The following TNIK variants were observed in gnomAD, a reference collection of about 807,000 sequenced individuals.
TNIK encodes TRAF2 and NCK-interacting protein kinase.
A neutral mutation model predicts 191.3 loss-of-function variants in TNIK; 49 were observed. The observed-to-expected ratio is 0.26, with a 90% confidence interval of 0.20 to 0.32. The LOEUF (loss-of-function observed/expected upper bound fraction) is 0.32. TNIK is among the 10% of genes least tolerant of loss of function. The pLI is 1.00. For synonymous variants in TNIK, 594 were observed against 600.9 expected (o/e 0.99, Z 0.17); for missense variants, 1,155 against 1,702.3 (o/e 0.68, Z 5.66).
intron 21 of TNIK, 82 bp downstream of exon 21, chr3:171,107,101 C>A: frequency 6.9e-7 from 1 of 1,446,306 alleles, no homozygotes; most frequent in African/African-American, 1.4e-5. Flanking sequence ...TCCCATTGGC[C>A]ACCTTTCTGA....
At chr3:171,434,116 A>C (rs971140955) in intron 1 of TNIK, among the ~76,000 whole-genome samples, 6 of 151,382 alleles carry the variant, frequency 4.0e-5, no homozygotes, top group Admixed American at 2.0e-4. Context: ...TTGTATTTTT[A>C]GTAGAGGCAG....
chr3:171,241,980 A>G (rs942558074), intron 2 of TNIK, among the ~76,000 whole-genome samples: 2 of 151,046 alleles, frequency 1.3e-5, no homozygotes, highest in African/African-American at 4.9e-5. Flanking sequence ...ACACTTGGAC[A>G]CAGGAAGGGG....
intron 2 of TNIK, among the ~76,000 whole-genome samples, chr3:171,238,543 G>A (rs1744580770): frequency 6.6e-6 from 1 of 152,042 alleles, no homozygotes; most frequent in African/African-American, 2.4e-5. Flanking sequence ...TATGACTGCA[G>A]CTACTGACAA....
At chr3:171,344,089 C>A (rs1349673503) in intron 2 of TNIK, among the ~76,000 whole-genome samples, 1 of 152,170 alleles carries the variant, frequency 6.6e-6, no homozygotes, top group African/African-American at 2.4e-5. Context: ...TTCTATGCCT[C>A]CCCAAAAAAG....
chr3:171,369,715 T>C (rs1253889261), intron 1 of TNIK, 30 bp from the exon 2 acceptor site: 12 of 1,525,906 alleles, frequency 7.9e-6, no homozygotes, highest in Non-Finnish European at 1.1e-5. Flanking sequence ...CAATAAAAAT[T>C]CAAAACAATA....
At chr3:171,179,642 G>A (rs937109626) in intron 7 of TNIK, among the ~76,000 whole-genome samples, 5 of 151,936 alleles carry the variant, frequency 3.3e-5, no homozygotes, top group Non-Finnish European at 7.4e-5. Flanking sequence ...TAGTAGAGAC[G>A]GGTTTCACAG....
chr3:171,431,362 T>C (rs1441398108), intron 1 of TNIK, among the ~76,000 whole-genome samples: 2 of 152,130 alleles, frequency 1.3e-5, no homozygotes, highest in Non-Finnish European at 2.9e-5. Flanking sequence ...ATTGCCAAAA[T>C]GTCCAGGGTT....
chr3:171,412,151 G>A (rs911527858), intron 1 of TNIK, among the ~76,000 whole-genome samples: 1 of 152,108 alleles, frequency 6.6e-6, no homozygotes, highest in Non-Finnish European at 1.5e-5. Context: ...GAGGCAGTTC[G>A]TCCCTGTTCA....
intron 19 of TNIK, among the ~76,000 whole-genome samples, chr3:171,109,810 G>C (rs1725569273): frequency 6.6e-6 from 1 of 152,062 alleles, no homozygotes; most frequent in African/African-American, 2.4e-5. Flanking sequence ...TTTTTCATAG[G>C]CCTCCCCATT....
rs1369045285 is a variant in TNIK at position 171,123,631 on chromosome 3, C to T, written c.2085G>A (p.Leu695=). 1 of 1,573,752 alleles carries T rather than the reference C, an allele frequency of 6.4e-7. No homozygotes were observed. Among genetic ancestry groups the T allele is most frequent in the Admixed American group, 1.8e-5 (1 of 54,614 alleles). ...TGGGTTGAGATCCTAGTCTGGGTCCCAGAGCACTACCATTCCCAGGAGAAT... is the reference window on the plus strand; with the variant it reads ...TGGGTTGAGATCCTAGTCTGGGTCCTAGAGCACTACCATTCCCAGGAGAAT... ...RKNSPGNGSA[L]GPRLGSQPIR... is the part of the protein sequence containing the mutation. The change falls in exon 18 of 33, where the codon CTG becomes CTA. Residue 695 remains leucine (L), a synonymous_variant. Coordinates refer to ENST00000436636, the MANE Select transcript of TNIK (RefSeq NM_015028.4).
At chr3:171,289,274 A>G (rs1278373576) in intron 2 of TNIK, among the ~76,000 whole-genome samples, 2 of 152,212 alleles carry the variant, frequency 1.3e-5, no homozygotes, top group Non-Finnish European at 2.9e-5. Context: ...AAGAACCTGT[A>G]AAAAGAGAAT....
At position 171,086,769 on chromosome 3, in the gene TNIK, A is replaced by G. The variant is rs562387263; in HGVS notation, c.2886+573T>C. Among the ~76,000 whole-genome samples, 6 of 152,330 alleles carry G rather than the reference A, an allele frequency of 3.9e-5. No individual in the cohort carries two copies. The East Asian group carries it at 1.2e-3, about 29-fold the overall frequency. ...TCATCAGCGTCTATGGGCACTACCT[A>G]CAGATTGTGTTTATTCAGACTTTTC... On this transcript the variant is annotated intron_variant, in intron 24 of 32. Transcript: ENST00000436636.
intron 18 of TNIK, among the ~76,000 whole-genome samples, chr3:171,114,982 CTGTTT>C (rs1168059748): frequency 6.6e-6 from 1 of 152,074 alleles, no homozygotes; most frequent in Non-Finnish European, 1.5e-5. Context: ...CCACACTGCC[CTGTTT>C]TATTAAACAA....
chr3:171,310,474 C>G (rs908770327), intron 2 of TNIK, among the ~76,000 whole-genome samples: 2 of 151,962 alleles, frequency 1.3e-5, no homozygotes, highest in Non-Finnish European at 2.9e-5. Context: ...GAATGTAGGG[C>G]TATAGATTTA....
intron 18 of TNIK, among the ~76,000 whole-genome samples, chr3:171,119,335 T>C (rs1229804337): frequency 6.6e-6 from 1 of 152,208 alleles, no homozygotes; most frequent in African/African-American, 2.4e-5. Context: ...ACTTTTACAC[T>C]GTTGGTGGGA....
intron 18 of TNIK, among the ~76,000 whole-genome samples, chr3:171,115,739 A>C (rs954751365): frequency 2.6e-5 from 4 of 152,196 alleles, no homozygotes; most frequent in Non-Finnish European, 5.9e-5. Context: ...TGGCCTTTAA[A>C]GCCTAGAGGA....
At chr3:171,402,817 G>A (rs888210727) in intron 1 of TNIK, among the ~76,000 whole-genome samples, 3 of 152,156 alleles carry the variant, frequency 2.0e-5, no homozygotes, top group Non-Finnish European at 4.4e-5. Flanking sequence ...ATAAATTAAT[G>A]TTCCCATTTT....
At chr3:171,095,251 T>C (rs572678948) in intron 22 of TNIK, among the ~76,000 whole-genome samples, 1 of 152,350 alleles carries the variant, frequency 6.6e-6, no homozygotes, top group Admixed American at 6.5e-5. Context: ...CAAAAAGTGA[T>C]GACTGACTGC....
At chr3:171,282,355 T>TTTTTTTTTTTTTTTTTTG (rs1397305575) in intron 2 of TNIK, among the ~76,000 whole-genome samples, 1 of 146,344 alleles carries the variant, frequency 6.8e-6, no homozygotes, top group Non-Finnish European at 1.5e-5. Flanking sequence ...TTTTTTTTTT[T>TTTTTTTTTTTTTTTTTTG]TTTGAGATGG....
Sources: allele counts gnomAD v4.1 joint callset (sites outside exome capture counted in the v4.1 genomes callset), GRCh38; gene constraint gnomAD v4.1.1; transcripts MANE v1.5; gene names NCBI Gene and HGNC (gene_info 2026-07-23, HGNC 2026-07-21).